The following CEP135 variants were observed in gnomAD, a reference collection of about 807,000 sequenced individuals.
The protein encoded by CEP135 is centrosomal protein 135.
In CEP135, 142 loss-of-function variants were observed where a neutral mutation model predicts 157.3. The ratio of observed to expected loss-of-function variants is 0.90; its 90% CI spans 0.79 to 1.04. The LOEUF (loss-of-function observed/expected upper bound fraction) is 1.04, where lower values mean the gene tolerates loss of function less well. CEP135 is among the 50% of genes least tolerant of loss of function. The pLI, the probability that CEP135 is intolerant of heterozygous loss-of-function variation, is 0.00. For synonymous variants in CEP135, 396 were observed against 439.8 expected, an observed-to-expected ratio of 0.90 and a Z score of 1.25; for missense variants, 1,317 against 1,309.2, an observed-to-expected ratio of 1.01 and a Z score of -0.09.
intron 6 of CEP135, among the ~76,000 whole-genome samples, chr4:55,961,981 T>C (rs1038407343): frequency 6.6e-6 from 1 of 152,114 alleles, no homozygotes; most frequent in Non-Finnish European, 1.5e-5. Flanking sequence ...TAATCAATTA[T>C]TCTTTTTTTC....
chr4:55,956,676 T>C (rs760427878), intron 4 of CEP135, among the ~76,000 whole-genome samples: 35 of 151,946 alleles, frequency 2.3e-4, no homozygotes, highest in Non-Finnish European at 2.4e-4. Context: ...AGTGGCGCAA[T>C]CTTGGCCCAC....
At chr4:55,987,209 T>C (rs1440314330) in intron 14 of CEP135, among the ~76,000 whole-genome samples, 2 of 152,206 alleles carry the variant, frequency 1.3e-5, no homozygotes, top group Non-Finnish European at 2.9e-5. Flanking sequence ...AAATGACTGA[T>C]GGGCACAGGA....
intron 11 of CEP135, among the ~76,000 whole-genome samples, chr4:55,978,328 T>C (rs1729291120): frequency 6.6e-6 from 1 of 152,200 alleles, no homozygotes; most frequent in Non-Finnish European, 1.5e-5. Flanking sequence ...CATAACCTTA[T>C]AACCTCATTT....
chr4:55,967,869 A>T (rs1179323342), intron 8 of CEP135, among the ~76,000 whole-genome samples: 1 of 152,232 alleles, frequency 6.6e-6, no homozygotes, highest in Non-Finnish European at 1.5e-5. Flanking sequence ...ATGAAGAACA[A>T]GGAAGGATTC....
At chr4:55,997,957 A>C (rs376862564) in intron 15 of CEP135, among the ~76,000 whole-genome samples, 10 of 152,260 alleles carry the variant, frequency 6.6e-5, no homozygotes, top group African/African-American at 2.4e-4. Context: ...TAGTTTTGCA[A>C]GTCTAAATAA....
intron 11 of CEP135, among the ~76,000 whole-genome samples, chr4:55,978,969 G>A (rs770197519): frequency 2.0e-5 from 3 of 152,120 alleles, no homozygotes; most frequent in African/African-American, 4.8e-5. Flanking sequence ...TAAAGAGTTC[G>A]GATAACTAAT....
chr4:55,999,756 G>A, intron 17 of CEP135, 111 bp downstream of exon 17: 4 of 1,088,610 alleles, frequency 3.7e-6, no homozygotes, highest in Non-Finnish European at 5.3e-6. Context: ...GCAGTGGCAT[G>A]ATCACAGCTC....
At position 55,961,637 on chromosome 4, in the gene CEP135, T is replaced by C. The variant is rs181711721; in HGVS notation, c.699+1871T>C. On this transcript the variant is annotated intron_variant, in intron 6 of 25. Transcript: ENST00000257287. ...AAATTAGCCGGGTGTGGTGGCGCAT[T>C]CCTGTAATCCCAGCTACTTGGGAGG... Among the ~76,000 whole-genome samples, 586 of 151,108 alleles carry C rather than the reference T, an allele frequency of 3.9e-3. 2 individuals are homozygous for C. Among genetic ancestry groups the C allele is most frequent in the African/African-American group, 0.013 (547 of 41,206 alleles).
intron 3 of CEP135, 43 bp downstream of exon 3, chr4:55,953,318 C>A: frequency 7.5e-7 from 1 of 1,340,840 alleles, no homozygotes; most frequent in East Asian, 2.6e-5. Flanking sequence ...ATGTCTTTGT[C>A]CTTTTTATTT....
At chr4:56,013,922 G>A (rs1040931988) in intron 21 of CEP135, among the ~76,000 whole-genome samples, 13 of 152,100 alleles carry the variant, frequency 8.5e-5, no homozygotes, top group African/African-American at 3.1e-4. Context: ...TGTCTTTATA[G>A]GACAATGGAT....
intron 13 of CEP135, among the ~76,000 whole-genome samples, chr4:55,982,317 C>A (rs1729439207): frequency 6.6e-6 from 1 of 152,288 alleles, no homozygotes; most frequent in Middle Eastern, 3.4e-3. Flanking sequence ...ATTTTCATTT[C>A]TCTTGGGTAT....
chr4:56,008,767 T>C (rs566530957), intron 18 of CEP135, among the ~76,000 whole-genome samples: 2 of 152,358 alleles, frequency 1.3e-5, no homozygotes, highest in South Asian at 4.1e-4. Flanking sequence ...ATAGTCTCTC[T>C]AGGCAGATTG....
At chr4:55,974,373 A>T (rs1346855966) in intron 10 of CEP135, among the ~76,000 whole-genome samples, 1 of 152,104 alleles carries the variant, frequency 6.6e-6, no homozygotes, top group East Asian at 1.9e-4. Context: ...ATTCAAACTT[A>T]ATTTTAAGTT....
intron 11 of CEP135, among the ~76,000 whole-genome samples, chr4:55,977,181 C>G (rs564287117): frequency 6.6e-6 from 1 of 152,288 alleles, no homozygotes; most frequent in African/African-American, 2.4e-5. Context: ...AAAGATCATT[C>G]TACAGCTGGA....
intron 9 of CEP135, among the ~76,000 whole-genome samples, chr4:55,969,590 A>G (rs947602535): frequency 1.3e-5 from 2 of 152,182 alleles, no homozygotes; most frequent in Non-Finnish European, 2.9e-5. Context: ...TTTACTAAGC[A>G]TAATATTTAC....
intron 17 of CEP135, among the ~76,000 whole-genome samples, chr4:56,001,684 C>T (rs778870038): frequency 2.6e-5 from 4 of 151,968 alleles, no homozygotes; most frequent in Non-Finnish European, 4.4e-5. Context: ...TCAGTTAGTG[C>T]GATCTCCAGC....
intron 24 of CEP135, 51 bp downstream of exon 24, chr4:56,020,831 G>A: frequency 1.5e-6 from 2 of 1,322,764 alleles, no homozygotes; most frequent in Non-Finnish European, 2.2e-6. Flanking sequence ...GTTCTCTATT[G>A]TACTTCAGAA....
intron 12 of CEP135, among the ~76,000 whole-genome samples, chr4:55,980,702 G>A (rs772053875): frequency 6.6e-6 from 1 of 152,148 alleles, no homozygotes; most frequent in Non-Finnish European, 1.5e-5. Flanking sequence ...TCTAGGAAGA[G>A]GGAATTGGTA....
chr4:56,008,478 C>G, intron 18 of CEP135, 96 bp downstream of exon 18: 1 of 985,022 alleles, frequency 1.0e-6, no homozygotes, highest in Non-Finnish European at 1.5e-6. Flanking sequence ...GAAGAATTTC[C>G]CTTTCAATTT....
Sources: gnomAD v4.1 joint callset for allele counts (sites outside exome capture counted in the v4.1 genomes callset) on GRCh38, gnomAD v4.1.1 for gene constraint, MANE v1.5 for transcripts, NCBI Gene and HGNC (gene_info 2026-07-23, HGNC 2026-07-21) for gene names.